TPD52: variants seen among roughly 807,000 people sequenced by gnomAD.
The protein encoded by TPD52 is tumor protein D52, also known as prostate and colon associated protein.
Under a neutral mutation model 31.3 loss-of-function variants are expected in TPD52, and 17 were observed. The observed-to-expected ratio is 0.54, with a 90% CI of 0.37 to 0.82. The LOEUF (loss-of-function observed/expected upper bound fraction) is 0.82. Among genes scored for constraint, TPD52 ranks in the 40% least tolerant of loss-of-function variants. TPD52 has a pLI of 0.00. For missense variants in TPD52, 212 were observed against 240.1 expected (o/e 0.88, Z 0.77); for synonymous variants, 83 against 89.6 (o/e 0.93, Z 0.42).
chr8:80,106,748 A>C (rs1157814677), intron 1 of TPD52, among the ~76,000 whole-genome samples: 1 of 151,680 alleles, frequency 6.6e-6, no homozygotes, highest in Non-Finnish European at 1.5e-5. Flanking sequence ...ATGGACGCAA[A>C]AGGCAGAAGG....
chr8:80,164,710 C>T (rs1265161288), intron 1 of TPD52, among the ~76,000 whole-genome samples: 2 of 151,644 alleles, frequency 1.3e-5, no homozygotes, highest in Non-Finnish European at 2.9e-5. Flanking sequence ...ATGGCAAAAC[C>T]CCATCTCTAC....
intron 1 of TPD52, among the ~76,000 whole-genome samples, chr8:80,121,397 T>C (rs972120512): frequency 1.3e-5 from 2 of 152,154 alleles, no homozygotes; most frequent in African/African-American, 4.8e-5. Context: ...TCAATTCAAT[T>C]AAAAGATTAT....
At chr8:80,071,355 G>A (rs1440529658) in intron 1 of TPD52, among the ~76,000 whole-genome samples, 1 of 152,116 alleles carries the variant, frequency 6.6e-6, no homozygotes, top group Non-Finnish European at 1.5e-5. Flanking sequence ...TACACACAAG[G>A]ATTTGCTGTT....
At position 80,074,708 on chromosome 8, in the gene TPD52, C is replaced by T. The variant is rs554559596; in HGVS notation, c.20-10115G>A. Among the ~76,000 whole-genome samples the T allele has an allele frequency of 9.5e-4, 145 of 152,226 alleles. 1 individual carries two copies. The highest frequency in any genetic ancestry group is 1.7e-3 in the Admixed American group (26 of 15,288). On this transcript the variant is annotated intron_variant, in intron 1 of 7. Transcript: ENST00000518937. ...GTGGTTGAGAACCACTGACTTAAGG[C>T]GAGGGAGCATCTAAGAGGATGCTGT...
At chr8:80,143,025 C>T (rs1809945801) in intron 1 of TPD52, among the ~76,000 whole-genome samples, 1 of 152,174 alleles carries the variant, frequency 6.6e-6, no homozygotes, top group Admixed American at 6.5e-5. Flanking sequence ...ACCATGGTCA[C>T]AAAGCATGAA....
At chr8:80,123,046 ACTGAGGTCCT>A (rs1204488054) in intron 1 of TPD52, 23 of 152,456 alleles carry the variant, frequency 1.5e-4, no homozygotes, top group African/African-American at 5.5e-4. Context: ...CAGGAGCACT[ACTGAGGTCCT>A]CTGAGCAGAA....
At chr8:80,136,253 G>A (rs1430944452) in intron 1 of TPD52, among the ~76,000 whole-genome samples, 4 of 144,976 alleles carry the variant, frequency 2.8e-5, no homozygotes, top group African/African-American at 1.0e-4. Context: ...GGCCGGGCGC[G>A]GTGGCTCACG....
intron 1 of TPD52, among the ~76,000 whole-genome samples, chr8:80,146,953 G>A (rs1662538971): frequency 1.3e-5 from 2 of 152,178 alleles, no homozygotes; most frequent in African/African-American, 4.8e-5. Context: ...CTGTGAACTT[G>A]CTAAAAATGC....
chr8:80,144,736 C>A (rs919819486), intron 1 of TPD52, among the ~76,000 whole-genome samples: 8 of 152,220 alleles, frequency 5.3e-5, no homozygotes, highest in African/African-American at 1.9e-4. Flanking sequence ...TTCTTTGGGG[C>A]AGACAGGTGT....
At chr8:80,043,456 C>G (rs1410069704) in intron 6 of TPD52, among the ~76,000 whole-genome samples, 7 of 152,102 alleles carry the variant, frequency 4.6e-5, no homozygotes, top group Admixed American at 4.6e-4. Flanking sequence ...TTTCTTCCTT[C>G]CCACGGTGGT....
At chr8:80,065,347 A>G (rs1238880956) in intron 1 of TPD52, among the ~76,000 whole-genome samples, 1 of 151,634 alleles carries the variant, frequency 6.6e-6, no homozygotes, top group Non-Finnish European at 1.5e-5. Flanking sequence ...AAAGAATACT[A>G]AGGTATATGT....
chr8:80,135,365 C>G (rs1241098787), intron 1 of TPD52, among the ~76,000 whole-genome samples: 1 of 152,172 alleles, frequency 6.6e-6, no homozygotes, highest in African/African-American at 2.4e-5. Context: ...CCCCAGCCAA[C>G]CTCAACAAAG....
chr8:80,106,365 G>A (rs908178757), intron 1 of TPD52, among the ~76,000 whole-genome samples: 9 of 152,052 alleles, frequency 5.9e-5, no homozygotes, highest in Non-Finnish European at 1.3e-4. Context: ...TGTGGTTGTT[G>A]TTGTTATTTT....
At chr8:80,163,646 C>G (rs1239601405) in intron 1 of TPD52, among the ~76,000 whole-genome samples, 1 of 152,054 alleles carries the variant, frequency 6.6e-6, no homozygotes, top group Non-Finnish European at 1.5e-5. Context: ...AAAAAGAGGG[C>G]ATTGACAGTT....
intron 1 of TPD52, among the ~76,000 whole-genome samples, chr8:80,102,093 A>G (rs1405673648): frequency 6.6e-6 from 1 of 152,220 alleles, no homozygotes; most frequent in East Asian, 1.9e-4. Context: ...ATCTAAAACA[A>G]ATTACTCCAA....
At chr8:80,076,949 G>C (rs1279881202) in intron 1 of TPD52, among the ~76,000 whole-genome samples, 1 of 151,930 alleles carries the variant, frequency 6.6e-6, no homozygotes, top group African/African-American at 2.4e-5. Flanking sequence ...TTACAGGCAT[G>C]ATCCACTGCG....
intron 1 of TPD52, among the ~76,000 whole-genome samples, chr8:80,141,821 A>G (rs1231180526): frequency 6.6e-6 from 1 of 152,050 alleles, no homozygotes; most frequent in African/African-American, 2.4e-5. Context: ...GAGGCAGGAG[A>G]ATCACTTGAA....
intron 1 of TPD52, among the ~76,000 whole-genome samples, chr8:80,109,378 T>C (rs1807350649): frequency 6.6e-6 from 1 of 152,198 alleles, no homozygotes; most frequent in African/African-American, 2.4e-5. Flanking sequence ...ACAAAATTTA[T>C]TATGCAATCA....
chr8:80,125,849 C>T (rs1808563618), intron 1 of TPD52, among the ~76,000 whole-genome samples: 1 of 152,156 alleles, frequency 6.6e-6, no homozygotes, highest in Admixed American at 6.5e-5. Flanking sequence ...CAAAGTTGTA[C>T]ATAAAACCAC....
Sources: gnomAD v4.1 joint callset for allele counts (sites outside exome capture counted in the v4.1 genomes callset) on GRCh38, gnomAD v4.1.1 for gene constraint, MANE v1.5 for transcripts, NCBI Gene and HGNC (gene_info 2026-07-23, HGNC 2026-07-21) for gene names.